Variants in DCDC1 observed in about 807,000 individuals in gnomAD.
DCDC1 encodes the protein doublecortin domain containing 1, also known as doublecortin domain-containing protein 1.
Under a neutral mutation model 178.3 loss-of-function variants are expected in DCDC1, and 200 were observed. The ratio of observed to expected loss-of-function variants is 1.12; its 90% CI spans 1.00 to 1.26. DCDC1 has a LOEUF of 1.26. Among genes scored for constraint, DCDC1 ranks in the 50% most tolerant of loss-of-function variants. The pLI is 0.00. For missense variants in DCDC1, 1,983 were observed against 1,749.2 expected (o/e 1.13, Z -2.38); for synonymous variants, 690 against 604.8 (o/e 1.14, Z -2.07).
chr11:31,000,361 C>T (rs1046284532), intron 20 of DCDC1, among the ~76,000 whole-genome samples: 1 of 152,084 alleles, frequency 6.6e-6, no homozygotes, highest in African/African-American at 2.4e-5. Flanking sequence ...GCTATGACTC[C>T]ACAATACGGT....
At chr11:30,971,148 A>G (rs1949754999) in intron 20 of DCDC1, among the ~76,000 whole-genome samples, 1 of 152,252 alleles carries the variant, frequency 6.6e-6, no homozygotes, top group Non-Finnish European at 1.5e-5. Context: ...ATACATCTTC[A>G]TGAAAAAGTC....
chr11:31,152,057 CATAA>C (rs1325004798), intron 9 of DCDC1, among the ~76,000 whole-genome samples: 2 of 152,096 alleles, frequency 1.3e-5, no homozygotes, highest in African/African-American at 2.4e-5. Flanking sequence ...CATCATACCT[CATAA>C]ATATAATTAT....
At chr11:31,359,523 A>C (rs929762449) in intron 1 of DCDC1, among the ~76,000 whole-genome samples, 4 of 152,106 alleles carry the variant, frequency 2.6e-5, no homozygotes, top group African/African-American at 9.7e-5. Context: ...AGCATGGCAC[A>C]TGTATACATA....
At chr11:30,968,980 ACTCAAAATTATTT>A (rs1308778970) in intron 20 of DCDC1, among the ~76,000 whole-genome samples, 1 of 152,024 alleles carries the variant, frequency 6.6e-6, no homozygotes, top group Non-Finnish European at 1.5e-5. Context: ...AAATTCCCCT[ACTCAAAATTATTT>A]CTCAAAATTA....
chr11:30,942,300 G>T (rs111948573), intron 21 of DCDC1, among the ~76,000 whole-genome samples: 3 of 152,174 alleles, frequency 2.0e-5, no homozygotes, highest in Middle Eastern at 3.2e-3. Flanking sequence ...TTTGGGATTT[G>T]TCTGTAACTA....
intron 18 of DCDC1, among the ~76,000 whole-genome samples, chr11:31,066,569 T>G (rs978220750): frequency 3.3e-5 from 5 of 152,162 alleles, no homozygotes; most frequent in African/African-American, 7.2e-5. Context: ...CTAAATAACT[T>G]TTAACTTTGT....
chr11:31,354,405 C>T (rs1397589941), intron 1 of DCDC1, among the ~76,000 whole-genome samples: 3 of 152,172 alleles, frequency 2.0e-5, no homozygotes, highest in Non-Finnish European at 4.4e-5. Context: ...CTTCTCTTTC[C>T]TATCAACTCT....
intron 28 of DCDC1, among the ~76,000 whole-genome samples, chr11:30,909,734 TTGA>T (rs1265472947): frequency 5.3e-5 from 8 of 152,298 alleles, no homozygotes; most frequent in African/African-American, 1.7e-4. Flanking sequence ...AAGTACCTTG[TTGA>T]TATTTTAATT....
intron 20 of DCDC1, among the ~76,000 whole-genome samples, chr11:31,023,846 G>T (rs1468206395): frequency 6.6e-6 from 1 of 151,910 alleles, no homozygotes; most frequent in Non-Finnish European, 1.5e-5. Flanking sequence ...AGGCAATCTA[G>T]CTTTTAAAAT....
intron 21 of DCDC1, among the ~76,000 whole-genome samples, chr11:30,944,957 G>GTT (rs1391698445): frequency 4.6e-5 from 5 of 109,032 alleles, no homozygotes; most frequent in African/African-American, 1.8e-4. Flanking sequence ...CAACAAAAAT[G>GTT]TCTTTTTTTT....
At chr11:30,881,457 A>G (rs1942662222) in intron 36 of DCDC1, 149 bp from the exon 37 acceptor site, 2 of 1,046,000 alleles carry the variant, frequency 1.9e-6, no homozygotes, top group Non-Finnish European at 2.7e-6. Flanking sequence ...AGAGATGGGA[A>G]GAAGGGCATG....
intron 6 of DCDC1, among the ~76,000 whole-genome samples, chr11:31,292,444 T>C (rs1242261067): frequency 2.6e-5 from 4 of 152,038 alleles, no homozygotes; most frequent in African/African-American, 4.8e-5. Flanking sequence ...TAAAAAAGAA[T>C]GAAGTACTGA....
At chr11:30,990,297 C>T (rs549392747) in intron 20 of DCDC1, among the ~76,000 whole-genome samples, 1 of 152,274 alleles carries the variant, frequency 6.6e-6, no homozygotes, top group East Asian at 1.9e-4. Context: ...AAGATATGCT[C>T]TCCCAGGAGC....
chr11:31,011,775 G>A (rs1208487879), intron 20 of DCDC1, among the ~76,000 whole-genome samples: 1 of 152,196 alleles, frequency 6.6e-6, no homozygotes, highest in Non-Finnish European at 1.5e-5. Flanking sequence ...AATATTCACT[G>A]AAGCACTATT....
intron 7 of DCDC1, among the ~76,000 whole-genome samples, chr11:31,274,329 C>T (rs879666538): frequency 6.6e-5 from 10 of 152,060 alleles, no homozygotes; most frequent in Non-Finnish European, 1.2e-4. Context: ...CTAATATCTC[C>T]CAAGTGCCTG....
Position 30,907,949 on chromosome 11 carries a change from A to G in DCDC1, c.3918+997T>C, listed in dbSNP as rs562562207. Among the ~76,000 whole-genome samples the G allele has an allele frequency of 3.9e-5, 6 of 152,348 alleles. No homozygotes were observed. The East Asian group carries it at 1.2e-3, about 29-fold the overall frequency. On this transcript the variant is annotated intron_variant, in intron 29 of 38. Transcript: ENST00000684477. ...TTACAACCATATTTTTGAGTAGTCA[A>G]ATATTGAATTGATGAGCTAAAGTTC...
At chr11:30,924,058 T>C (rs1468756874) in intron 23 of DCDC1, among the ~76,000 whole-genome samples, 1 of 152,218 alleles carries the variant, frequency 6.6e-6, no homozygotes, top group Non-Finnish European at 1.5e-5. Flanking sequence ...CAATCACTCC[T>C]GGCTCCATCT....
chr11:31,366,725 A>G (rs1951976824), intron 1 of DCDC1, among the ~76,000 whole-genome samples: 1 of 152,204 alleles, frequency 6.6e-6, no homozygotes, highest in South Asian at 2.1e-4. Context: ...ATTATTGTCA[A>G]AGAAGAAGGC....
At chr11:30,947,182 T>A (rs543636876) in intron 21 of DCDC1, among the ~76,000 whole-genome samples, 5 of 152,032 alleles carry the variant, frequency 3.3e-5, no homozygotes, top group Middle Eastern at 3.4e-3. Context: ...GATGCAAAAA[T>A]GCATCATAAA....
Sources: allele counts gnomAD v4.1 joint callset (sites outside exome capture counted in the v4.1 genomes callset), GRCh38; gene constraint gnomAD v4.1.1; transcripts MANE v1.5; gene names NCBI Gene and HGNC (gene_info 2026-07-23, HGNC 2026-07-21).